The following NTN4 variants were observed in gnomAD, a reference collection of about 807,000 sequenced individuals.
NTN4 encodes netrin 4.
In NTN4, 32 loss-of-function variants were observed where a neutral mutation model predicts 73.6. The observed-to-expected ratio is 0.44, with a 90% CI of 0.33 to 0.58. The LOEUF is 0.58. Ranked by LOEUF, NTN4 falls within the 20% of genes least tolerant of loss-of-function variation. The pLI is 0.04. For synonymous variants in NTN4, 258 were observed against 287.5 expected, an observed-to-expected ratio of 0.90 and a Z score of 1.04; for missense variants, 654 against 798.3, an observed-to-expected ratio of 0.82 and a Z score of 2.18.
At chr12:95,712,980 A>C (rs2078576256) in intron 4 of NTN4, among the ~76,000 whole-genome samples, 1 of 151,800 alleles carries the variant, frequency 6.6e-6, no homozygotes, top group African/African-American at 2.4e-5. Flanking sequence ...CCCACAAAGT[A>C]TCCAAGCAAA....
chr12:95,786,368 G>A (rs1248843536), intron 2 of NTN4, among the ~76,000 whole-genome samples: 1 of 152,180 alleles, frequency 6.6e-6, no homozygotes, highest in Non-Finnish European at 1.5e-5. Context: ...AGTAGCTAAT[G>A]AGGCTGTTTT....
At chr12:95,718,098 A>G (rs2078620731) in intron 3 of NTN4, among the ~76,000 whole-genome samples, 3 of 152,238 alleles carry the variant, frequency 2.0e-5, no homozygotes, top group Admixed American at 2.0e-4. Context: ...ATGCTCGTTA[A>G]GAGCTGTTTA....
At chr12:95,730,622 C>T (rs183479786) in intron 3 of NTN4, among the ~76,000 whole-genome samples, 11 of 152,224 alleles carry the variant, frequency 7.2e-5, no homozygotes, top group African/African-American at 2.4e-4. Context: ...CAGCCATGAA[C>T]GTGAATTTGG....
In NTN4 at chr12:95,713,232, C is replaced by A; in HGVS notation, c.971G>T (p.Gly324Val). Residue 324 changes from glycine to valine, a missense_variant, in exon 4 of 10, where the codon GGG (glycine) becomes GTG (valine). Gly to Val is a moderately radical substitution (Grantham distance 109). Coordinates refer to ENST00000343702, the MANE Select transcript of NTN4 (RefSeq NM_021229.4). The stretch of plus-strand genomic sequence containing the variant: ...CTTACTTCTGCACTCGTTGGGAGCC[C>A]CCGTTTTGCCATCAGCTGCCTCCCA... Reference protein sequence around the residue: ...RPWEAADGKTGAPNECRTCKC... With the variant: ...RPWEAADGKTVAPNECRTCKC... The A allele has an allele frequency of 6.2e-7, 1 of 1,613,422 alleles. No homozygotes were observed. Among genetic ancestry groups the A allele is most frequent in the East Asian group, 2.2e-5 (1 of 44,850 alleles).
chr12:95,780,793 T>A (rs944550077), intron 2 of NTN4, among the ~76,000 whole-genome samples: 2 of 152,182 alleles, frequency 1.3e-5, no homozygotes, highest in African/African-American at 4.8e-5. Context: ...CAGCCATCCC[T>A]TTACCGGGTA....
Position 95,660,573 on chromosome 12 carries a change from T to TA in NTN4, c.1751-1352_1751-1351insT, listed in dbSNP as rs1251794944. ...ATATATCCAAGAAATGAAAGGACAG[T>TA]CTCATCACCTATAGATTAGTAAAAA... On this transcript the variant is annotated intron_variant, in intron 9 of 9. Transcript: ENST00000343702. Among the ~76,000 whole-genome samples, 6 of 152,262 alleles carry TA rather than the reference T, an allele frequency of 3.9e-5. No individual in the cohort carries two copies. The East Asian group carries it at 1.2e-3, about 29-fold the overall frequency.
At chr12:95,695,627 A>T (rs188637783) in intron 5 of NTN4, among the ~76,000 whole-genome samples, 112 of 152,228 alleles carry the variant, frequency 7.4e-4, no homozygotes, top group Non-Finnish European at 1.3e-3. Context: ...GGCCTCCCAA[A>T]GTGCTGGGAT....
At chr12:95,739,127 C>T (rs1256834681) in intron 2 of NTN4, among the ~76,000 whole-genome samples, 1 of 152,178 alleles carries the variant, frequency 6.6e-6, no homozygotes, top group African/African-American at 2.4e-5. Flanking sequence ...AGGACAGTGG[C>T]TGGCACATAG....
chr12:95,759,877 A>G (rs941758817), intron 2 of NTN4, among the ~76,000 whole-genome samples: 3 of 152,204 alleles, frequency 2.0e-5, no homozygotes, highest in African/African-American at 7.2e-5. Flanking sequence ...GTTCTTGAAC[A>G]TACGGAGTAT....
intron 2 of NTN4, among the ~76,000 whole-genome samples, chr12:95,744,879 ACTTCAT>A (rs1238504858): frequency 1.1e-5 from 1 of 88,590 alleles, no homozygotes; most frequent in African/African-American, 4.4e-5. Context: ...AAAAGTCTTG[ACTTCAT>A]CTTCATTTTT....
intron 3 of NTN4, among the ~76,000 whole-genome samples, chr12:95,729,071 T>G (rs1232982962): frequency 6.6e-6 from 1 of 152,160 alleles, no homozygotes; most frequent in Non-Finnish European, 1.5e-5. Flanking sequence ...TTAAACCTCC[T>G]TTCTTATAAG....
At chr12:95,722,593 C>T (rs769517927) in intron 3 of NTN4, among the ~76,000 whole-genome samples, 1 of 152,166 alleles carries the variant, frequency 6.6e-6, no homozygotes, top group Non-Finnish European at 1.5e-5. Flanking sequence ...CCACTGCAAT[C>T]CAGCCTGGGC....
chr12:95,678,384 G>A (rs759334474), intron 7 of NTN4, among the ~76,000 whole-genome samples: 13 of 148,428 alleles, frequency 8.8e-5, no homozygotes, highest in East Asian at 2.0e-4. Flanking sequence ...GTTTGATACC[G>A]GAAAAAAATT....
chr12:95,725,027 C>A (rs1426471675), intron 3 of NTN4, among the ~76,000 whole-genome samples: 1 of 75,442 alleles, frequency 1.3e-5, no homozygotes, highest in African/African-American at 3.2e-5. Flanking sequence ...TTTTTTGCTT[C>A]CCACAAACAC....
At chr12:95,690,886 A>G (rs2078396817) in intron 5 of NTN4, among the ~76,000 whole-genome samples, 1 of 152,224 alleles carries the variant, frequency 6.6e-6, no homozygotes, top group Non-Finnish European at 1.5e-5. Context: ...AGAAAATTCA[A>G]GCATTTCCAG....
rs141770793 is a variant in NTN4 at position 95,750,078 on chromosome 12, C to T, written c.586-11934G>A. ...CTTTTCTAGAGGAGGGGCAAGTACC[C>T]CAACCTCGTATCTCTGCGCCCCAAT... On this transcript the variant is annotated intron_variant, in intron 2 of 9. Transcript: ENST00000343702. Among the ~76,000 whole-genome samples, 357 of 152,240 alleles carry T rather than the reference C, an allele frequency of 2.3e-3. 2 individuals are homozygous for T. Among genetic ancestry groups the T allele is most frequent in the African/African-American group, 8.1e-3 (337 of 41,526 alleles).
chr12:95,713,381 CA>C, intron 3 of NTN4, 43 bp from the exon 4 acceptor site: 2 of 1,512,540 alleles, frequency 1.3e-6, no homozygotes, highest in Non-Finnish European at 1.8e-6. Context: ...CACATGTCGC[CA>C]AAGAAGAACA....
At chr12:95,670,864 G>A (rs2078222500) in intron 7 of NTN4, among the ~76,000 whole-genome samples, 2 of 146,854 alleles carry the variant, frequency 1.4e-5, no homozygotes, top group Admixed American at 1.4e-4. Context: ...TCTCCCAATA[G>A]TTTAAATTAT....
chr12:95,742,971 G>A (rs1041616534), intron 2 of NTN4, among the ~76,000 whole-genome samples: 10 of 152,182 alleles, frequency 6.6e-5, no homozygotes, highest in African/African-American at 2.2e-4. Context: ...AGAACGATGT[G>A]AACACACACA....
Sources: gnomAD v4.1 joint callset for allele counts (sites outside exome capture counted in the v4.1 genomes callset) on GRCh38, gnomAD v4.1.1 for gene constraint, MANE v1.5 for transcripts, NCBI Gene and HGNC (gene_info 2026-07-23, HGNC 2026-07-21) for gene names.